SERPIND1: variants seen among roughly 807,000 people sequenced by gnomAD.
SERPIND1 encodes the protein heparin cofactor 2.
In SERPIND1, 34 loss-of-function variants were observed where a neutral mutation model predicts 35.0. The observed-to-expected ratio is 0.97, with a 90% confidence interval of 0.74 to 1.29. SERPIND1 has a LOEUF of 1.29. SERPIND1 is among the 50% of genes most tolerant of loss of function. The pLI, the probability that SERPIND1 is intolerant of heterozygous loss-of-function variation, is 0.00. For missense variants in SERPIND1, 633 were observed against 637.7 expected, an observed-to-expected ratio of 0.99 and a Z score of 0.08; for synonymous variants, 236 against 241.1, an observed-to-expected ratio of 0.98 and a Z score of 0.19.
At chr22:20,781,154 C>T (rs1047043775) in intron 2 of SERPIND1, among the ~76,000 whole-genome samples, 9 of 152,022 alleles carry the variant, frequency 5.9e-5, no homozygotes, top group South Asian at 2.1e-4. Context: ...AGGAGGTCAC[C>T]CCACACCCAT....
At chr22:20,786,262 T>C in intron 4 of SERPIND1, 114 bp downstream of exon 4, 1 of 1,203,436 alleles carries the variant, frequency 8.3e-7, no homozygotes, top group Non-Finnish European at 1.2e-6. Context: ...CTTGGGGTGC[T>C]GAGTCTGCTC....
chr22:20,779,636 G>A lies in SERPIND1; in HGVS notation c.324G>A (p.Val108=), dbSNP rs376406193. Residue 108 remains valine (V), a synonymous_variant, in exon 2 of 5, where the codon GTG becomes GTA. Coordinates refer to ENST00000215727, the MANE Select transcript of SERPIND1 (RefSeq NM_000185.4). The stretch of plus-strand genomic sequence containing the variant: ...CAGTTTCCCCGACAGACTCTGATGT[G>A]AGTGCTGGGAACATCCTCCAGCTTT... ...SLSVSPTDSD[V]SAGNILQLFH... is the part of the protein sequence containing the mutation. The A allele has an allele frequency of 5.0e-6, 8 of 1,614,040 alleles. No homozygotes were observed. In the African/African-American group the frequency reaches 9.3e-5, roughly 19 times the overall value.
At chr22:20,780,791 A>AAAAAAAAAAAAG (rs361972) in intron 2 of SERPIND1, among the ~76,000 whole-genome samples, 1 of 151,118 alleles carries the variant, frequency 6.6e-6, no homozygotes, top group Non-Finnish European at 1.5e-5. Flanking sequence ...AAAAAAAAAA[A>AAAAAAAAAAAAG]GAAGTAAAAC....
At chr22:20,780,845 T>C (rs1435160105) in intron 2 of SERPIND1, among the ~76,000 whole-genome samples, 1 of 150,222 alleles carries the variant, frequency 6.7e-6, no homozygotes, top group Non-Finnish European at 1.5e-5. Context: ...GAGCCAAAGC[T>C]GAACCCAGGG....
rs1180540960 is a variant in SERPIND1 at position 20,787,223 on chromosome 22, G to A, written c.*157G>A. On this transcript the variant is annotated 3_prime_UTR_variant, in exon 5 of 5. Transcript: ENST00000215727. The stretch of plus-strand genomic sequence containing the variant: ...AGAGGAGCTTAGAAACGACCAAGAA[G>A]AGAGGCTTGTTGGAATCAATTCTGC... 1.4e-6 allele frequency: 1 copy of A among 706,314 alleles called. No individual in the cohort carries two copies. Among genetic ancestry groups the A allele is most frequent in the East Asian group, 2.7e-5 (1 of 37,092 alleles). 43.8% of individuals were successfully genotyped at this position (706,314 alleles called of 1,614,324 possible).
chr22:20,779,897 C>T lies in SERPIND1; in HGVS notation c.585C>T (p.Ile195=). 6.2e-7 allele frequency: 1 copy of T among 1,614,228 alleles called. No individual in the cohort carries two copies. Among genetic ancestry groups the T allele is most frequent in the Non-Finnish European group, 8.5e-7 (1 of 1,180,044 alleles). ...TTAATGCCAGCAGCAAGTATGAAAT[C>T]ACGACCATTCATAATCTCTTCCGTA... is the stretch of plus-strand genomic sequence containing the variant. ...DFVNASSKYE[I]TTIHNLFRKL... is the part of the protein sequence containing the mutation. Residue 195 remains isoleucine (I), a synonymous_variant, in exon 2 of 5, where the codon ATC becomes ATT. Coordinates refer to ENST00000215727, the MANE Select transcript of SERPIND1 (RefSeq NM_000185.4).
At chr22:20,780,940 C>T (rs143569094) in intron 2 of SERPIND1, among the ~76,000 whole-genome samples, 1 of 152,270 alleles carries the variant, frequency 6.6e-6, no homozygotes, top group Non-Finnish European at 1.5e-5. Flanking sequence ...TGAGTTTTCT[C>T]TTTTCCTTTC....
chr22:20,782,661 T>A (rs952845396), intron 2 of SERPIND1, among the ~76,000 whole-genome samples: 1 of 152,138 alleles, frequency 6.6e-6, no homozygotes. Context: ...AGCAATTTTG[T>A]CCCCAAGGTC....
Position 20,779,749 on chromosome 22 carries a change from A to T in SERPIND1, c.437A>T (p.Asn146Ile), listed in dbSNP as rs202123183. The change falls in exon 2 of 5, where the codon AAC (asparagine) becomes ATC (isoleucine). Residue 146 changes from asparagine (N) to isoleucine (I), a missense_variant. Asn to Ile is a moderately radical substitution (Grantham distance 149). Coordinates refer to ENST00000215727, the MANE Select transcript of SERPIND1 (RefSeq NM_000185.4). The stretch of plus-strand genomic sequence containing the variant: ...TACCGAGTGCTGAAAGACCAGGTCA[A>T]CACTTTCGATAACATCTTCATAGCA... ...NLYRVLKDQV[N>I]TFDNIFIAPV... 1.8e-4 allele frequency: 288 copies of T among 1,614,240 alleles called. 2 individuals are homozygous for T. The Middle Eastern group carries it at 1.8e-3, about 10-fold the overall frequency.
Position 20,779,726 on chromosome 22 carries a change from C to T in SERPIND1, c.414C>T (p.Tyr138=), listed in dbSNP as rs780641663. The T allele has an allele frequency of 1.2e-6, 2 of 1,614,230 alleles. No individual in the cohort carries two copies. Among genetic ancestry groups the T allele is most frequent in the Admixed American group, 1.7e-5 (1 of 60,028 alleles). ...ILNAKFAFNL[Y]RVLKDQVNTF... is the part of the protein sequence containing the mutation. ...ACGCCAAGTTCGCTTTCAACCTCTACCGAGTGCTGAAAGACCAGGTCAACA... is the reference window on the plus strand; with the variant it reads ...ACGCCAAGTTCGCTTTCAACCTCTATCGAGTGCTGAAAGACCAGGTCAACA... Residue 138 remains tyrosine (Y), a synonymous_variant, in exon 2 of 5, where the codon TAC becomes TAT. Coordinates refer to ENST00000215727, the MANE Select transcript of SERPIND1 (RefSeq NM_000185.4).
intron 1 of SERPIND1, 176 bp from the exon 2 acceptor site, chr22:20,779,121 G>C: frequency 2.1e-6 from 3 of 1,434,062 alleles, no homozygotes; most frequent in Non-Finnish European, 2.8e-6. Flanking sequence ...CACATCAAAG[G>C]TTGGGTGTCT....
Position 20,784,162 on chromosome 22 carries a change from A to C in SERPIND1, c.1080A>C (p.Pro360=). Residue 360 remains proline, a synonymous_variant, in exon 3 of 5, where the codon CCA becomes CCC. Transcript: ENST00000215727. ...GCATCAGCATGCTAATTGTGGTCCC[A>C]CACAAGATGTCTGGGATGAAGACCC... The part of the protein sequence containing the change: ...VGGISMLIVV[P]HKMSGMKTLE... 3 of 1,614,212 alleles carry C rather than the reference A, an allele frequency of 1.9e-6. No individual in the cohort carries two copies. Among genetic ancestry groups the C allele is most frequent in the Non-Finnish European group, 2.5e-6 (3 of 1,180,036 alleles).
intron 1 of SERPIND1, among the ~76,000 whole-genome samples, chr22:20,776,812 C>T (rs1933325572): frequency 6.6e-6 from 1 of 152,256 alleles, no homozygotes; most frequent in South Asian, 2.1e-4. Flanking sequence ...GCGTGTCAGG[C>T]ATCCAACAGA....
intron 2 of SERPIND1, among the ~76,000 whole-genome samples, chr22:20,782,420 T>C (rs1401031801): frequency 6.6e-6 from 1 of 152,228 alleles, no homozygotes; most frequent in African/African-American, 2.4e-5. Context: ...GAGTACCCAA[T>C]CATTCATGGA....
chr22:20,785,912 A>T, intron 3 of SERPIND1, 92 bp from the exon 4 acceptor site: 1 of 1,548,102 alleles, frequency 6.5e-7, no homozygotes, highest in Admixed American at 1.7e-5. Context: ...TTCTGTGATA[A>T]ATATAACCCG....
intron 4 of SERPIND1, among the ~76,000 whole-genome samples, chr22:20,786,513 C>T (rs1934239873): frequency 6.6e-6 from 1 of 152,186 alleles, no homozygotes; most frequent in Non-Finnish European, 1.5e-5. Flanking sequence ...TTAAACCAAT[C>T]GGGCGCTCAG....
At position 20,780,075 on chromosome 22, in the gene SERPIND1, G is replaced by C. The variant is rs778182584; in HGVS notation, c.763G>C (p.Asp255His). Residue 255 changes from aspartate (D) to histidine (H), a missense_variant, in exon 2 of 5, where the codon GAC becomes CAC. Physicochemically the swap from Asp to His is moderately conservative, Grantham distance 81. Transcript: ENST00000215727. ...FAEAQIADFS[D>H]PAFISKTNNH... ...TGAGGCCCAGATAGCTGACTTCTCA[G>C]ACCCTGCCTTCATATCAAAAACCAA... The C allele has an allele frequency of 6.2e-7, 1 of 1,614,128 alleles. No individual in the cohort carries two copies. Among genetic ancestry groups the C allele is most frequent in the Non-Finnish European group, 8.5e-7 (1 of 1,180,038 alleles).
In SERPIND1 at chr22:20,780,036, G is replaced by C; in HGVS notation, c.724G>C (p.Glu242Gln). The stretch of plus-strand genomic sequence containing the variant: ...GCTTGACTTCAAAACTAAAGTAAGA[G>C]AGTATTACTTTGCTGAGGCCCAGAT... ...ILLDFKTKVR[E>Q]YYFAEAQIAD... The change falls in exon 2 of 5, where the codon GAG becomes CAG. Residue 242 changes from glutamate to glutamine, a missense_variant. Glu to Gln is a conservative substitution (Grantham distance 29). Transcript: ENST00000215727. 1 of 1,614,104 alleles carries C rather than the reference G, an allele frequency of 6.2e-7. No homozygotes were observed. Among genetic ancestry groups the C allele is most frequent in the Non-Finnish European group, 8.5e-7 (1 of 1,180,002 alleles).
In SERPIND1 at chr22:20,787,616, T is replaced by C. The variant is rs1008380834; in HGVS notation, c.*550T>C. On this transcript the variant is annotated 3_prime_UTR_variant, in exon 5 of 5. Coordinates refer to ENST00000215727, the MANE Select transcript of SERPIND1 (RefSeq NM_000185.4). Reference sequence around the variant, plus strand: ...AAAGCCTGACCTTTCAAATCCATGATGAATGCCATCAGTCCCTCCTGCTGT... The same window carrying C: ...AAAGCCTGACCTTTCAAATCCATGACGAATGCCATCAGTCCCTCCTGCTGT... 3.4e-5 allele frequency: 6 copies of C among 175,780 alleles called. No homozygotes were observed. Among genetic ancestry groups the C allele is most frequent in the Admixed American group, 2.2e-4 (4 of 18,582 alleles). The allele number at this position is 175,780 out of a possible 1,614,324, so 10.9% of individuals were successfully genotyped here.
Sources: gnomAD v4.1 joint callset for allele counts (sites outside exome capture counted in the v4.1 genomes callset) on GRCh38, gnomAD v4.1.1 for gene constraint, MANE v1.5 for transcripts, NCBI Gene and HGNC (gene_info 2026-07-23, HGNC 2026-07-21) for gene names.